Variants in ANK1 observed in about 807,000 individuals in gnomAD.
The protein encoded by ANK1 is ankyrin 1.
In ANK1, 51 loss-of-function variants were observed where a neutral mutation model predicts 210.4. The observed-to-expected ratio is 0.24, with a 90% CI of 0.19 to 0.31. The LOEUF (loss-of-function observed/expected upper bound fraction) is 0.31. Among genes scored for constraint, ANK1 ranks in the 10% least tolerant of loss-of-function variants. The pLI is 1.00. For synonymous variants in ANK1, 967 were observed against 1,025.9 expected (o/e 0.94, Z 1.10); for missense variants, 2,051 against 2,504.4 (o/e 0.82, Z 3.86).
chr8:41,803,085 G>GGGAAGGAAAGGAAAGGAAAGGAAAGGA (rs1563811160), intron 1 of ANK1, among the ~76,000 whole-genome samples: 3 of 59,996 alleles, frequency 5.0e-5, no homozygotes, highest in Admixed American at 4.2e-4. Flanking sequence ...GGAAGGAAGG[G>GGGAAGGAAAGGAAAGGAAAGGAAAGGA]AAGGAAAGGA....
At chr8:41,695,749 A>G (rs529627801) in intron 26 of ANK1, among the ~76,000 whole-genome samples, 1 of 152,362 alleles carries the variant, frequency 6.6e-6, no homozygotes, top group South Asian at 2.1e-4. Flanking sequence ...TGCTTTGCAA[A>G]TGGTGGTGAC....
At chr8:41,820,442 C>T (rs1804062454) in intron 1 of ANK1, among the ~76,000 whole-genome samples, 1 of 150,712 alleles carries the variant, frequency 6.6e-6, no homozygotes, top group Admixed American at 6.6e-5. Context: ...GCAATCCTCC[C>T]ACCTGGGTCT....
chr8:41,785,341 C>T (rs1269012582), intron 1 of ANK1, among the ~76,000 whole-genome samples: 2 of 152,186 alleles, frequency 1.3e-5, no homozygotes, highest in Non-Finnish European at 2.9e-5. Flanking sequence ...GCCTGGGTGA[C>T]AGAGCAAGAC....
chr8:41,742,412 A>G (rs1210912615), intron 2 of ANK1, among the ~76,000 whole-genome samples: 2 of 152,018 alleles, frequency 1.3e-5, no homozygotes, highest in Non-Finnish European at 1.5e-5. Flanking sequence ...CAGCCCTCAC[A>G]CCTCCTTTCC....
chr8:41,718,869 C>A (rs185342692), intron 10 of ANK1, among the ~76,000 whole-genome samples: 2 of 152,170 alleles, frequency 1.3e-5, no homozygotes, highest in Admixed American at 6.5e-5. Flanking sequence ...CTACAACACA[C>A]AAGACCACAA....
chr8:41,814,010 C>T lies in ANK1; in HGVS notation c.127-55873G>A, dbSNP rs144349954. Among the ~76,000 whole-genome samples, 568 of 152,318 alleles carry T rather than the reference C, an allele frequency of 3.7e-3. 8 individuals carry two copies. The highest frequency in any genetic ancestry group is 0.03 in the Admixed American group (456 of 15,292). On this transcript the variant is annotated intron_variant, in intron 1 of 42. Transcript: ENST00000265709. ...ACATAATCAGTGTTTTCAATTGTGT[C>T]CTGTTACAAGAACAGATTCTTATTA... is the stretch of plus-strand genomic sequence containing the variant.
intron 2 of ANK1, 124 bp downstream of exon 2, chr8:41,757,906 GGCAGGA>G (rs1839536523): frequency 2.2e-6 from 2 of 894,180 alleles, no homozygotes; most frequent in Admixed American, 3.4e-5. Flanking sequence ...GCCTTCCACA[GGCAGGA>G]GCCCTGGGGG....
At chr8:41,792,382 T>C (rs867405652) in intron 1 of ANK1, among the ~76,000 whole-genome samples, 1 of 152,334 alleles carries the variant, frequency 6.6e-6, no homozygotes, top group African/African-American at 2.4e-5. Context: ...CTTGCAAATT[T>C]ATTTTCCAGA....
intron 39 of ANK1, among the ~76,000 whole-genome samples, chr8:41,667,720 G>A (rs1308104719): frequency 1.3e-5 from 2 of 152,156 alleles, no homozygotes; most frequent in African/African-American, 4.8e-5. Context: ...CTATCCCAGG[G>A]CCCCTCTTCT....
At chr8:41,671,064 T>C (rs1277928535) in intron 38 of ANK1, among the ~76,000 whole-genome samples, 1 of 152,190 alleles carries the variant, frequency 6.6e-6, no homozygotes, top group Non-Finnish European at 1.5e-5. Context: ...GATGGGACGA[T>C]GAGAGCTCCA....
intron 1 of ANK1, among the ~76,000 whole-genome samples, chr8:41,814,884 T>C (rs1387462648): frequency 6.6e-6 from 1 of 152,158 alleles, no homozygotes; most frequent in East Asian, 1.9e-4. Context: ...ATTTCCTACT[T>C]GATAATGCTT....
chr8:41,700,358 G>T, intron 22 of ANK1: 1 of 1,463,742 alleles, frequency 6.8e-7, no homozygotes, highest in Non-Finnish European at 9.5e-7. Context: ...ATGGATTAGT[G>T]AGCATCAGGG....
intron 41 of ANK1, 99 bp downstream of exon 41, chr8:41,661,777 C>T: frequency 6.2e-7 from 1 of 1,612,842 alleles, no homozygotes; most frequent in Non-Finnish European, 8.5e-7. Flanking sequence ...GCTGGGTCCC[C>T]CAGGGCCGCG....
intron 1 of ANK1, among the ~76,000 whole-genome samples, chr8:41,780,541 C>G (rs948206474): frequency 2.6e-5 from 4 of 151,574 alleles, no homozygotes; most frequent in African/African-American, 9.7e-5. Flanking sequence ...ACGCTTCTCC[C>G]TCAGTAGATT....
chr8:41,792,550 G>A (rs1240717171), intron 1 of ANK1, among the ~76,000 whole-genome samples: 1 of 152,218 alleles, frequency 6.6e-6, no homozygotes, highest in African/African-American at 2.4e-5. Context: ...CTTGGTCGAA[G>A]CCAGGGAAAA....
Position 41,812,974 on chromosome 8 carries a change from C to T in ANK1, c.127-54837G>A, listed in dbSNP as rs944945896. Among the ~76,000 whole-genome samples the T allele has an allele frequency of 2.6e-5, 4 of 152,178 alleles. No homozygotes were observed. In the East Asian group the frequency reaches 7.7e-4, roughly 29 times the overall value. The stretch of plus-strand genomic sequence containing the variant: ...AGGCCCCGGACAGGCTGAAACTCTC[C>T]CAAGAAGTTTTTAAGTCCAGAAACT... On this transcript the variant is annotated intron_variant, in intron 1 of 42. Transcript: ENST00000265709.
At chr8:41,701,480 G>C (rs1342819112) in intron 22 of ANK1, 70 bp downstream of exon 22, 1 of 1,452,074 alleles carries the variant, frequency 6.9e-7, no homozygotes, top group East Asian at 2.3e-5. Context: ...GCAGGTGGCA[G>C]GAAGCCCCCT....
chr8:41,733,950 C>A (rs1240713918), intron 3 of ANK1, 21 bp downstream of exon 3: 2 of 1,606,564 alleles, frequency 1.2e-6, no homozygotes, highest in African/African-American at 1.3e-5. Flanking sequence ...GCAAAGCTCC[C>A]CCACTCCCTG....
At chr8:41,744,314 C>T (rs1418809463) in intron 2 of ANK1, among the ~76,000 whole-genome samples, 1 of 152,184 alleles carries the variant, frequency 6.6e-6, no homozygotes, top group African/African-American at 2.4e-5. Context: ...AATGAGGAAT[C>T]ACTGTCTGGA....
Sources: allele counts gnomAD v4.1 joint callset (sites outside exome capture counted in the v4.1 genomes callset), GRCh38; gene constraint gnomAD v4.1.1; transcripts MANE v1.5; gene names NCBI Gene and HGNC (gene_info 2026-07-23, HGNC 2026-07-21).